The following GPHN variants were observed in gnomAD, a reference collection of about 807,000 sequenced individuals.
GPHN encodes the protein gephyrin.
A neutral mutation model predicts 95.5 loss-of-function variants in GPHN; 17 were observed. That is an observed-to-expected ratio of 0.18 (90% confidence interval 0.12 to 0.27). The LOEUF (loss-of-function observed/expected upper bound fraction) is 0.27, where lower values mean the gene tolerates loss of function less well. GPHN is among the 10% of genes least tolerant of loss of function. The pLI, the probability that GPHN is intolerant of heterozygous loss-of-function variation, is 1.00. For missense variants in GPHN, 660 were observed against 978.1 expected (o/e 0.67, Z 4.34); for synonymous variants, 320 against 322.5 (o/e 0.99, Z 0.08).
the GPHN span, among the ~76,000 whole-genome samples, chr14:67,664,132 G>A: frequency 6.6e-6 from 1 of 152,158 alleles, no homozygotes; most frequent in Admixed American, 6.5e-5. Context: ...CACCTAGGCT[G>A]GCAAAATACA....
chr14:66,705,398 T>C (rs564928362), intron 2 of GPHN, among the ~76,000 whole-genome samples: 1 of 152,306 alleles, frequency 6.6e-6, no homozygotes, highest in South Asian at 2.1e-4. Context: ...CTGTTGAACA[T>C]TGATGCAAAA....
chr14:67,119,714 C>T (rs943336584), intron 16 of GPHN, among the ~76,000 whole-genome samples: 17 of 152,304 alleles, frequency 1.1e-4, no homozygotes, highest in African/African-American at 3.8e-4. Context: ...CGCTTGAACC[C>T]ACGAGGCAGA....
chr14:66,719,588 T>A (rs2070532950), intron 2 of GPHN, among the ~76,000 whole-genome samples: 1 of 152,084 alleles, frequency 6.6e-6, no homozygotes, highest in Non-Finnish European at 1.5e-5. Flanking sequence ...TAGCCAAAAT[T>A]CACCGTGTGA....
At chr14:67,532,345 T>A in the GPHN span, among the ~76,000 whole-genome samples, 1 of 152,328 alleles carries the variant, frequency 6.6e-6, no homozygotes, top group East Asian at 1.9e-4. Flanking sequence ...ACAGAGAGCC[T>A]GCAGGGTTGA....
At chr14:67,333,810 T>C in the GPHN span, 2 of 144,400 alleles carry the variant, frequency 1.4e-5, no homozygotes, top group Non-Finnish European at 2.9e-5. Context: ...ATAATCTGTA[T>C]TGACTTAAAA....
At chr14:67,600,389 C>T in the GPHN span, 5 of 546,642 alleles carry the variant, frequency 9.1e-6, no homozygotes, top group South Asian at 4.9e-5. Flanking sequence ...TCCGGGCCGG[C>T]CTTGACTGTC....
At chr14:66,902,018 C>T (rs1287476285) in intron 5 of GPHN, among the ~76,000 whole-genome samples, 5 of 151,854 alleles carry the variant, frequency 3.3e-5, no homozygotes, top group Admixed American at 2.6e-4. Flanking sequence ...GAATATATTT[C>T]CATTTTTTTA....
In GPHN at chr14:66,925,212, A is replaced by C. The variant is rs536921824; in HGVS notation, c.828+920A>C. Among the ~76,000 whole-genome samples the C allele has an allele frequency of 2.1e-3, 316 of 152,330 alleles. 2 individuals carry two copies. The highest frequency in any genetic ancestry group is 7.4e-3 in the African/African-American group (307 of 41,584). On this transcript the variant is annotated intron_variant, in intron 8 of 22. Coordinates refer to ENST00000478722, the MANE Select transcript of GPHN (RefSeq NM_020806.5). ...ATTTTGATACAGGCATACAATGGGT[A>C]ATAATCACATCAGGGTAAATGGGTA... is the stretch of plus-strand genomic sequence containing the variant.
the GPHN span, chr14:67,585,941 C>A: frequency 9.3e-6 from 15 of 1,608,204 alleles, no homozygotes; most frequent in Admixed American, 2.5e-4. Flanking sequence ...TGACTGGTTC[C>A]TTTCCACAGC....
chr14:66,610,610 A>G (rs2062739494), intron 1 of GPHN, among the ~76,000 whole-genome samples: 1 of 152,138 alleles, frequency 6.6e-6, no homozygotes, highest in Non-Finnish European at 1.5e-5. Context: ...GAAATAGACA[A>G]TAATTGTCCT....
At chr14:66,928,222 T>C (rs1454818181) in intron 8 of GPHN, among the ~76,000 whole-genome samples, 2 of 152,206 alleles carry the variant, frequency 1.3e-5, no homozygotes, top group Non-Finnish European at 2.9e-5. Flanking sequence ...ATTGCTGTAT[T>C]CAGGTTTTGG....
intron 17 of GPHN, among the ~76,000 whole-genome samples, chr14:67,124,445 A>G (rs1486593474): frequency 6.6e-6 from 1 of 152,128 alleles, no homozygotes; most frequent in Non-Finnish European, 1.5e-5. Context: ...AGTGTACAGG[A>G]AGGAAAGGGG....
At position 67,122,391 on chromosome 14, in the gene GPHN, G is replaced by A. The variant is rs758775019; in HGVS notation, c.1748+14G>A. Reference sequence around the variant, plus strand: ...TGTAGGAGACAAGTAAGTATTTGATGTCATTCTGAAAAGTTTGTATTGTAC... The same window carrying A: ...TGTAGGAGACAAGTAAGTATTTGATATCATTCTGAAAAGTTTGTATTGTAC... On this transcript the variant is annotated intron_variant, in intron 17 of 22. Transcript: ENST00000478722. The A allele has an allele frequency of 5.6e-6, 9 of 1,610,854 alleles. No individual in the cohort carries two copies. The highest frequency in any genetic ancestry group is 1.7e-5 in the Admixed American group (1 of 59,958).
the GPHN span, chr14:67,580,940 C>G: frequency 6.2e-7 from 1 of 1,607,414 alleles, no homozygotes; most frequent in Non-Finnish European, 8.5e-7. Flanking sequence ...TTTTCAAGAT[C>G]TGTGATGCCA....
chr14:67,320,997 T>TTA, the GPHN span: 7 of 1,407,872 alleles, frequency 5.0e-6, no homozygotes, highest in Non-Finnish European at 7.0e-6. Flanking sequence ...ACTAGCAGAA[T>TTA]TATCCCCTGT....
At chr14:67,204,479 C>A in the GPHN span, 1 of 1,494,516 alleles carries the variant, frequency 6.7e-7, no homozygotes, top group South Asian at 1.4e-5. Context: ...ATAAGAAAGG[C>A]CTTTTTATAA....
chr14:67,368,840 T>C, the GPHN span, among the ~76,000 whole-genome samples: 1 of 151,656 alleles, frequency 6.6e-6, no homozygotes, highest in Admixed American at 6.6e-5. Context: ...CTGGGCAACA[T>C]AGTGAAACTA....
the GPHN span, among the ~76,000 whole-genome samples, chr14:67,633,438 T>A: frequency 6.6e-6 from 1 of 152,214 alleles, no homozygotes; most frequent in African/African-American, 2.4e-5. Context: ...TGCCTAGAAT[T>A]ATCCATTAAC....
chr14:66,784,159 C>T (rs2059694895), intron 3 of GPHN, among the ~76,000 whole-genome samples: 1 of 152,044 alleles, frequency 6.6e-6, no homozygotes, highest in Non-Finnish European at 1.5e-5. Context: ...AATGGAAAAT[C>T]TTGCCAAATA....
Sources: gnomAD v4.1 joint callset for allele counts (sites outside exome capture counted in the v4.1 genomes callset) on GRCh38, gnomAD v4.1.1 for gene constraint, MANE v1.5 for transcripts, NCBI Gene and HGNC (gene_info 2026-07-23, HGNC 2026-07-21) for gene names.